Variants in DLGAP1 observed in about 807,000 individuals in gnomAD.
DLGAP1 encodes the protein DLG associated protein 1.
Under a neutral mutation model 90.8 loss-of-function variants are expected in DLGAP1, and 11 were observed. The observed-to-expected ratio is 0.12, with a 90% CI of 0.08 to 0.20. The LOEUF (loss-of-function observed/expected upper bound fraction) is 0.20, where lower values mean the gene tolerates loss of function less well. Among genes scored for constraint, DLGAP1 ranks in the 10% least tolerant of loss-of-function variants. The pLI is 1.00. For missense variants in DLGAP1, 1,050 were observed against 1,333.8 expected, an observed-to-expected ratio of 0.79 and a Z score of 3.31; for synonymous variants, 558 against 540.7, an observed-to-expected ratio of 1.03 and a Z score of -0.44.
At chr18:4,452,707 T>C (rs139361002) in intron 1 of DLGAP1, among the ~76,000 whole-genome samples, 262 of 152,300 alleles carry the variant, frequency 1.7e-3, no homozygotes, top group African/African-American at 5.8e-3. Flanking sequence ...TAATCGCTAA[T>C]ATGCTTTTAC....
chr18:4,280,140 C>T (rs1447386702), intron 1 of DLGAP1, among the ~76,000 whole-genome samples: 7 of 151,840 alleles, frequency 4.6e-5, no homozygotes, highest in African/African-American at 1.5e-4. Flanking sequence ...TTCTGACATT[C>T]GATAAAATCT....
intron 2 of DLGAP1, among the ~76,000 whole-genome samples, chr18:4,088,344 C>G (rs8099755): frequency 0.26 from 39,447 of 152,070 alleles, 5,420 homozygotes; most frequent in Non-Finnish European, 0.31. Context: ...AATGCTACTA[C>G]TTTTCCTTTA....
chr18:3,537,166 T>C (rs1161657742), intron 9 of DLGAP1, among the ~76,000 whole-genome samples: 7 of 152,190 alleles, frequency 4.6e-5, no homozygotes, highest in African/African-American at 1.4e-4. Context: ...ACTTAATATA[T>C]TCACATTGCA....
chr18:3,656,298 G>A (rs2146522946), intron 7 of DLGAP1: 2 of 499,924 alleles, frequency 4.0e-6, no homozygotes, highest in Non-Finnish European at 6.9e-6. Context: ...TCTCATGGAT[G>A]TCTTCTTTTC....
intron 7 of DLGAP1, among the ~76,000 whole-genome samples, chr18:3,702,308 C>T (rs1318861159): frequency 6.6e-6 from 1 of 152,216 alleles, no homozygotes; most frequent in Non-Finnish European, 1.5e-5. Context: ...GGATTACAGG[C>T]GTAAGCCGCT....
chr18:3,540,838 CAAATA>C lies in DLGAP1; in HGVS notation c.2058-6228_2058-6224del, dbSNP rs545644565. Among the ~76,000 whole-genome samples, 3 of 152,204 alleles carry C rather than the reference CAAATA, an allele frequency of 2.0e-5. No individual in the cohort carries two copies. The South Asian group carries it at 6.2e-4, about 32-fold the overall frequency. On this transcript the variant is annotated intron_variant, in intron 9 of 12. Coordinates refer to ENST00000315677, the MANE Select transcript of DLGAP1 (RefSeq NM_004746.4). ...CCCCAAATAATTGTGATGTTTTTCT[CAAATA>C]AAATAAAGGGAGGAAATAGAAAATA...
At chr18:4,401,844 T>C (rs17364051) in intron 1 of DLGAP1, among the ~76,000 whole-genome samples, 69,680 of 152,156 alleles carry the variant, frequency 0.46, 17,219 homozygotes, top group East Asian at 0.68. Flanking sequence ...TGATAGGTAA[T>C]ATTTCACCAT....
At chr18:3,507,314 T>C (rs1568095475) in intron 11 of DLGAP1, among the ~76,000 whole-genome samples, 1 of 111,798 alleles carries the variant, frequency 8.9e-6, no homozygotes, top group Non-Finnish European at 2.0e-5. Context: ...TGAAAACCCG[T>C]CTCTACTAAA....
chr18:3,806,851 C>A (rs1280504539), intron 5 of DLGAP1, among the ~76,000 whole-genome samples: 1 of 152,222 alleles, frequency 6.6e-6, no homozygotes. Flanking sequence ...TACACAGCCC[C>A]TTGAAGCCAG....
chr18:4,270,745 G>C (rs2079259724), intron 1 of DLGAP1, among the ~76,000 whole-genome samples: 1 of 152,112 alleles, frequency 6.6e-6, no homozygotes, highest in African/African-American at 2.4e-5. Flanking sequence ...GTAATCAGGT[G>C]ATTTTATAAG....
chr18:3,591,304 C>T (rs923470756), intron 7 of DLGAP1, among the ~76,000 whole-genome samples: 6 of 151,994 alleles, frequency 3.9e-5, no homozygotes, highest in African/African-American at 1.4e-4. Context: ...AAATGTATTT[C>T]TATTGTAGAA....
At chr18:4,194,993 G>C (rs757762712) in intron 1 of DLGAP1, among the ~76,000 whole-genome samples, 47 of 152,084 alleles carry the variant, frequency 3.1e-4, no homozygotes, top group Non-Finnish European at 6.3e-4. Context: ...GTTGACTATG[G>C]TCACCCTGAT....
intron 8 of DLGAP1, among the ~76,000 whole-genome samples, chr18:3,581,385 T>A (rs2145378727): frequency 6.6e-6 from 1 of 152,292 alleles, no homozygotes; most frequent in Non-Finnish European, 1.5e-5. Flanking sequence ...GAGAAGCCTC[T>A]GCTGCACACC....
intron 7 of DLGAP1, among the ~76,000 whole-genome samples, chr18:3,696,467 G>A (rs1461744839): frequency 6.6e-6 from 1 of 152,180 alleles, no homozygotes; most frequent in Non-Finnish European, 1.5e-5. Flanking sequence ...TGTGTTTTTT[G>A]TCATTGGTTC....
At chr18:3,622,862 T>A (rs9957766) in intron 7 of DLGAP1, among the ~76,000 whole-genome samples, 62,276 of 151,888 alleles carry the variant, frequency 0.41, 14,505 homozygotes, top group African/African-American at 0.63. Flanking sequence ...TGGAGTGCAG[T>A]GGCACAATCT....
intron 2 of DLGAP1, among the ~76,000 whole-genome samples, chr18:4,070,022 G>A (rs560853360): frequency 1.6e-3 from 243 of 150,290 alleles, no homozygotes; most frequent in East Asian, 3.1e-3. Context: ...TTGCTCTGTC[G>A]TCTAGGCTGG....
chr18:3,511,888 T>A (rs72856878), intron 10 of DLGAP1, among the ~76,000 whole-genome samples: 10,899 of 152,190 alleles, frequency 0.072, 459 homozygotes, highest in Admixed American at 0.086. Flanking sequence ...ATTCATAAGG[T>A]CTCTTTTCTG....
chr18:3,614,283 A>G (rs901566003), intron 7 of DLGAP1, among the ~76,000 whole-genome samples: 22 of 152,208 alleles, frequency 1.4e-4, no homozygotes, highest in Admixed American at 1.4e-3. Context: ...CTGGAACAGC[A>G]TAAGTTGTGT....
At chr18:4,104,896 T>A (rs2075834430) in intron 2 of DLGAP1, among the ~76,000 whole-genome samples, 1 of 152,228 alleles carries the variant, frequency 6.6e-6, no homozygotes, top group African/African-American at 2.4e-5. Flanking sequence ...GTTTGTCTGA[T>A]CTTCCTGTAT....
Sources: allele counts gnomAD v4.1 joint callset (sites outside exome capture counted in the v4.1 genomes callset), GRCh38; gene constraint gnomAD v4.1.1; transcripts MANE v1.5; gene names NCBI Gene and HGNC (gene_info 2026-07-23, HGNC 2026-07-21).